SLC12A5: variants seen among roughly 807,000 people sequenced by gnomAD.
SLC12A5 encodes the protein K-Cl cotransporter 2.
Under a neutral mutation model 124.0 loss-of-function variants are expected in SLC12A5, and 18 were observed. That is an observed-to-expected ratio of 0.15 (90% CI 0.10 to 0.22). The LOEUF is 0.22. Among genes scored for constraint, SLC12A5 ranks in the 10% least tolerant of loss-of-function variants. The pLI is 1.00. For missense variants in SLC12A5, 867 were observed against 1,478.7 expected, an observed-to-expected ratio of 0.59 and a Z score of 6.78; for synonymous variants, 589 against 568.0, an observed-to-expected ratio of 1.04 and a Z score of -0.53.
At position 46,022,038 on chromosome 20, in the gene SLC12A5, G is replaced by A. The variant is rs947780930; in HGVS notation, c.48+152G>A. 212 of 911,314 alleles carry A rather than the reference G, an allele frequency of 2.3e-4. 1 individual carries two copies. In the Middle Eastern group the frequency reaches 3.8e-3, roughly 17 times the overall value. 56.5% of individuals were successfully genotyped at this position (911,314 alleles called of 1,614,324 possible). A position where few individuals can be genotyped will look rare whatever the true frequency, so the allele number is the denominator to read the frequency against. On this transcript the variant is annotated intron_variant, in intron 1 of 2. Transcript: ENST00000413737. ...GAGAGGGGAATGGAGCCAGGACTAG[G>A]AAACCAAGGGGCCGGGGCCGCGGAA...
chr20:46,059,718 CAAGTT>C lies in SLC12A5; in HGVS notation c.*2115_*2119del, dbSNP rs2084736155. The stretch of plus-strand genomic sequence containing the variant: ...ATGAATGTTATCACAAGTCATTCAT[CAAGTT>C]ATCTTTATAATCACTGTAGTTAGAT... On this transcript the variant is annotated 3_prime_UTR_variant, in exon 26 of 26. Coordinates refer to ENST00000243964, the MANE Select transcript of SLC12A5 (RefSeq NM_020708.5). 2.5e-6 allele frequency: 1 copy of C among 398,962 alleles called. No individual in the cohort carries two copies. Among genetic ancestry groups the C allele is most frequent in the Non-Finnish European group, 4.4e-6 (1 of 226,026 alleles). 24.7% of individuals were successfully genotyped at this position (398,962 alleles called of 1,614,324 possible). A position where few individuals can be genotyped will look rare whatever the true frequency, so the allele number is the denominator to read the frequency against.
At chr20:46,031,054 A>T (rs1042999251) in intron 1 of SLC12A5, among the ~76,000 whole-genome samples, 3 of 152,054 alleles carry the variant, frequency 2.0e-5, no homozygotes, top group African/African-American at 7.2e-5. Flanking sequence ...AGATGCCTCC[A>T]CTCTGAGAGG....
At chr20:46,036,383 C>T (rs1196055762) in intron 4 of SLC12A5, among the ~76,000 whole-genome samples, 2 of 152,204 alleles carry the variant, frequency 1.3e-5, no homozygotes, top group Non-Finnish European at 2.9e-5. Context: ...TGAGACAGCT[C>T]TGCATGTGAG....
At chr20:46,051,595 G>A (rs2084647026) in intron 17 of SLC12A5, 80 bp from the exon 18 acceptor site, 3 of 1,332,686 alleles carry the variant, frequency 2.3e-6, no homozygotes, top group African/African-American at 3.0e-5. Context: ...GGGGAGAGAT[G>A]GGAGGGAAGG....
Position 46,059,358 on chromosome 20 carries a change from A to G in SLC12A5, c.*1753A>G. ...GGGTAGGTTTGGAGGTCTGCCAGTT[A>G]CACCAAGTCCCCTCTGAGATTCGAT... On this transcript the variant is annotated 3_prime_UTR_variant, in exon 26 of 26. Coordinates refer to ENST00000243964, the MANE Select transcript of SLC12A5 (RefSeq NM_020708.5). 2.6e-6 allele frequency: 1 copy of G among 386,874 alleles called. No individual in the cohort carries two copies. The highest frequency in any genetic ancestry group is 4.6e-6 in the Non-Finnish European group (1 of 219,310). 24.0% of individuals were successfully genotyped at this position (386,874 alleles called of 1,614,324 possible).
Position 46,045,903 on chromosome 20 carries a change from G to A in SLC12A5, c.1595G>A (p.Gly532Glu). 1 of 1,614,166 alleles carries A rather than the reference G, an allele frequency of 6.2e-7. No homozygotes were observed. The highest frequency in any genetic ancestry group is 8.5e-7 in the Non-Finnish European group (1 of 1,180,026). ...GTCTTTGGCCATGGCAAGGCCAATG[G>A]AGAGCCGACCTGGGCCCTGCTCCTG... ...LQVFGHGKAN[G>E]EPTWALLLTA... is the part of the protein sequence containing the mutation. Residue 532 changes from glycine (G) to glutamate (E), a missense_variant, in exon 13 of 26, where the codon GGA becomes GAA. Physicochemically the swap from Gly to Glu is moderately conservative, Grantham distance 98. Coordinates refer to ENST00000243964, the MANE Select transcript of SLC12A5 (RefSeq NM_020708.5). This position sits in a 1 kb window ranked among gnomAD's most constrained non-coding sequence, Gnocchi z 4.9.
chr20:46,053,462 C>A lies in SLC12A5; in HGVS notation c.2548-116C>A. 3 of 1,403,808 alleles carry A rather than the reference C, an allele frequency of 2.1e-6. No individual in the cohort carries two copies. The highest frequency in any genetic ancestry group is 2.9e-6 in the Non-Finnish European group (3 of 1,016,992). 87.0% of individuals were successfully genotyped at this position (1,403,808 alleles called of 1,614,324 possible). ...CCAAAGACAGAGGATTTGGGGTCTGCATGTATGTGTGAGGAGTGGGTGGGA... is the reference window on the plus strand; with the variant it reads ...CCAAAGACAGAGGATTTGGGGTCTGAATGTATGTGTGAGGAGTGGGTGGGA... On this transcript the variant is annotated intron_variant, in intron 19 of 25. Transcript: ENST00000243964. The surrounding 1 kb of genome is among the most constrained non-coding windows in gnomAD (Gnocchi z 4.7).
chr20:46,027,415 A>G (rs1289373330), upstream of SLC12A5, among the ~76,000 whole-genome samples: 1 of 152,200 alleles, frequency 6.6e-6, no homozygotes, highest in East Asian at 1.9e-4. Context: ...AAATTGTATT[A>G]ATACAAGTAA....
At chr20:46,033,630 T>C (rs1050647482) in intron 1 of SLC12A5, among the ~76,000 whole-genome samples, 2 of 152,176 alleles carry the variant, frequency 1.3e-5, no homozygotes, top group Non-Finnish European at 2.9e-5. Context: ...TGCCCTACAG[T>C]GCCTCACCCT....
At chr20:46,032,167 G>C (rs971381469) in intron 1 of SLC12A5, among the ~76,000 whole-genome samples, 1 of 152,206 alleles carries the variant, frequency 6.6e-6, no homozygotes, top group African/African-American at 2.4e-5. Context: ...GCGGGCGCGC[G>C]GCCGGCTAGG....
In SLC12A5 at chr20:46,041,353, G is replaced by A. The variant is rs138406290; in HGVS notation, c.879G>A (p.Thr293=). The A allele has an allele frequency of 5.0e-6, 8 of 1,613,956 alleles. No individual in the cohort carries two copies. Among genetic ancestry groups the A allele is most frequent in the Non-Finnish European group, 6.8e-6 (8 of 1,179,998 alleles). Residue 293 remains threonine (T), a synonymous_variant, in exon 8 of 26, where the codon ACG becomes ACA. Coordinates refer to ENST00000243964, the MANE Select transcript of SLC12A5 (RefSeq NM_020708.5). The part of the protein sequence containing the change: ...NFPICLLGNR[T]LSRHGFDVCA... ...GGATCTGCCTCCTGGGTAACCGCAC[G>A]CTGTCTCGCCATGGCTTTGATGTCT...
rs778801542 is a variant in SLC12A5, at chr20:46,047,544, A to C, written c.1878A>C (p.Gly626=). 6.2e-7 allele frequency: 1 copy of C among 1,613,410 alleles called. No homozygotes were observed. The highest frequency in any genetic ancestry group is 1.1e-5 in the South Asian group (1 of 91,054). The change falls in exon 15 of 26, where the codon GGA becomes GGC. Residue 626 remains glycine (G), a synonymous_variant. Coordinates refer to ENST00000243964, the MANE Select transcript of SLC12A5 (RefSeq NM_020708.5). The stretch of plus-strand genomic sequence containing the variant: ...CACTGGTAGCCATGCTCATTGCTGG[A>C]CTCATCTACAAGTACATTGAGTACC... ...YYALVAMLIA[G]LIYKYIEYRG...
chr20:46,043,805 C>A lies in SLC12A5; in HGVS notation c.1337-71C>A, dbSNP rs566341148. 1.4e-4 allele frequency: 218 copies of A among 1,612,730 alleles called. 1 individual carries two copies. The African/African-American group carries it at 2.6e-3, about 19-fold the overall frequency. On this transcript the variant is annotated intron_variant, in intron 10 of 25. Transcript: ENST00000243964. ...GAGGGCAGCTGAACTTGCTGCCTTA[C>A]CTGCTGGTGCAGGAAGGGTGGGGAG...
rs774420123 is a variant in SLC12A5 at position 46,046,423 on chromosome 20, C to A, written c.1774C>A (p.Arg592=). Residue 592 remains arginine, a synonymous_variant, in exon 14 of 26, where the codon CGA becomes AGA. Coordinates refer to ENST00000243964, the MANE Select transcript of SLC12A5 (RefSeq NM_020708.5). Reference sequence around the variant, plus strand: ...GACACCCAACTGGAGGCCACGCTTTCGATATTACCACTGGTGGGTGCTCTG... The same window carrying A: ...GACACCCAACTGGAGGCCACGCTTTAGATATTACCACTGGTGGGTGCTCTG... ...LRTPNWRPRF[R]YYHWTLSFLG... is the part of the protein sequence containing the mutation. 8 of 1,613,996 alleles carry A rather than the reference C, an allele frequency of 5.0e-6. No homozygotes were observed. The highest frequency in any genetic ancestry group is 6.8e-6 in the Non-Finnish European group (8 of 1,180,014).
At chr20:46,046,106 G>A in intron 13 of SLC12A5, 110 bp downstream of exon 13, 1 of 976,402 alleles carries the variant, frequency 1.0e-6, no homozygotes, top group South Asian at 1.4e-5. Flanking sequence ...ACCCCAGGAA[G>A]TTCCCCATTG....
Position 46,045,021 on chromosome 20 carries a change from C to T in SLC12A5, c.1450C>T (p.Pro484Ser), listed in dbSNP as rs781690252. The T allele has an allele frequency of 1.9e-6, 3 of 1,614,090 alleles. No homozygotes were observed. The highest frequency in any genetic ancestry group is 1.3e-5 in the African/African-American group (1 of 74,944). The change falls in exon 12 of 26, where the codon CCA (proline) becomes TCA (serine). Residue 484 changes from proline (P) to serine (S), a missense_variant. Transcript: ENST00000243964. This position sits in a 1 kb window ranked among gnomAD's most constrained non-coding sequence, Gnocchi z 4.9. ...GGTGGGCACTCTGGCCTGGCCATCT[C>T]CATGGGTAATTGTCATCGGATCCTT... ...LVVGTLAWPS[P>S]WVIVIGSFFS...
intron 1 of SLC12A5, 140 bp downstream of exon 1, chr20:46,029,536 G>C (rs1170732859): frequency 1.1e-6 from 1 of 917,894 alleles, no homozygotes; most frequent in Non-Finnish European, 1.6e-6. Context: ...TTGCAGCCTG[G>C]AGCTCAGCTC....
At position 46,052,962 on chromosome 20, in the gene SLC12A5, G is replaced by A; in HGVS notation, c.2383G>A (p.Val795Ile). 1 of 1,610,736 alleles carries A rather than the reference G, an allele frequency of 6.2e-7. No homozygotes were observed. Among genetic ancestry groups the A allele is most frequent in the Non-Finnish European group, 8.5e-7 (1 of 1,177,312 alleles). Residue 795 changes from valine to isoleucine, a missense_variant, in exon 19 of 26, where the codon GTC becomes ATC. Val to Ile is a conservative substitution (Grantham distance 29). Coordinates refer to ENST00000243964, the MANE Select transcript of SLC12A5 (RefSeq NM_020708.5). ...HQTWRNFIELVRETTAGHLAL... is the reference protein window; with the variant it reads ...HQTWRNFIELIRETTAGHLAL... ...CTCTCCTTGGCCTCCCTCAGAGCTG[G>A]TCCGGGAAACCACAGCTGGCCACTT...
chr20:46,048,429 A>G (rs1450191350), intron 16 of SLC12A5, among the ~76,000 whole-genome samples: 1 of 152,198 alleles, frequency 6.6e-6, no homozygotes, highest in African/African-American at 2.4e-5. Context: ...TAGGAAGCTC[A>G]CAGTTTTGTG....
Sources: gnomAD v4.1 joint callset for allele counts (sites outside exome capture counted in the v4.1 genomes callset) on GRCh38, gnomAD v4.1.1 for gene constraint, Gnocchi (gnomAD v3.1) non-coding constraint, MANE v1.5 for transcripts, NCBI Gene and HGNC (gene_info 2026-07-23, HGNC 2026-07-21) for gene names.